SV2B: variants seen among roughly 807,000 people sequenced by gnomAD.
The protein encoded by SV2B is solute carrier family 22 member B2.
SV2B carries 41 observed loss-of-function variants against 73.9 expected under a neutral mutation model. The ratio of observed to expected loss-of-function variants is 0.56; its 90% CI spans 0.43 to 0.72. SV2B has a LOEUF of 0.72. Among genes scored for constraint, SV2B ranks in the 30% least tolerant of loss-of-function variants. SV2B has a pLI of 0.00. For synonymous variants in SV2B, 314 were observed against 314.2 expected (o/e 1.00, Z 0.01); for missense variants, 764 against 857.8 (o/e 0.89, Z 1.37).
At chr15:91,178,415 T>G (rs1401646527) in intron 1 of SV2B, among the ~76,000 whole-genome samples, 1 of 151,524 alleles carries the variant, frequency 6.6e-6, no homozygotes, top group East Asian at 1.9e-4. Flanking sequence ...ATAAAATGAG[T>G]TAGGGAGGAT....
At chr15:91,158,718 C>T (rs1294325450) in intron 1 of SV2B, among the ~76,000 whole-genome samples, 38 of 69,854 alleles carry the variant, frequency 5.4e-4, no homozygotes, top group South Asian at 1.8e-3. Flanking sequence ...CCTCTCCTCT[C>T]CTCTCCTCTC....
rs998811030 is a variant in SV2B, at chr15:91,268,865, C to T, written c.1373+260C>T. On this transcript the variant is annotated intron_variant, in intron 9 of 12. Coordinates refer to ENST00000394232, the MANE Select transcript of SV2B (RefSeq NM_001323032.3). This position sits in a 1 kb window ranked among gnomAD's most constrained non-coding sequence, Gnocchi z 4.4. ...GAGGATGGAGACATTTGACTGAGGA[C>T]GGTCAGTTGGGCCATTTTTCCAAGT... Among the ~76,000 whole-genome samples, 8 of 152,204 alleles carry T rather than the reference C, an allele frequency of 5.3e-5. No individual in the cohort carries two copies. The highest frequency in any genetic ancestry group is 9.6e-5 in the African/African-American group (4 of 41,522).
rs1287921520 is a variant in SV2B at position 91,110,771 on chromosome 15, C to T, written c.-392+10408C>T. On this transcript the variant is annotated intron_variant, in intron 1 of 12. Coordinates refer to ENST00000394232, the MANE Select transcript of SV2B (RefSeq NM_001323032.3). The surrounding 1 kb of genome is among the most constrained non-coding windows in gnomAD (Gnocchi z 5.4). The stretch of plus-strand genomic sequence containing the variant: ...AAGGAATTTAGTTCCACCCCTAGCA[C>T]TATGACAAGTGACGAACACATCCCA... Among the ~76,000 whole-genome samples, 22 of 152,170 alleles carry T rather than the reference C, an allele frequency of 1.4e-4. No homozygotes were observed. The highest frequency in any genetic ancestry group is 2.9e-5 in the Non-Finnish European group (2 of 68,038).
chr15:91,144,715 C>T (rs771655985), intron 1 of SV2B, among the ~76,000 whole-genome samples: 4 of 152,138 alleles, frequency 2.6e-5, no homozygotes, highest in South Asian at 2.1e-4. Context: ...GGGATAGAGA[C>T]GCCATGCTTT....
At chr15:91,143,320 A>G (rs1045369022) in intron 1 of SV2B, among the ~76,000 whole-genome samples, 1 of 152,202 alleles carries the variant, frequency 6.6e-6, no homozygotes, top group Admixed American at 6.5e-5. Context: ...AGCCTTTCAA[A>G]TATGTTCCCC....
chr15:91,158,162 G>A (rs1171897962), intron 1 of SV2B, among the ~76,000 whole-genome samples: 1 of 152,156 alleles, frequency 6.6e-6, no homozygotes, highest in Non-Finnish European at 1.5e-5. Context: ...GGGAGATGGG[G>A]CCTAATGAGA....
At position 91,289,588 on chromosome 15, in the gene SV2B, G is replaced by A. The variant is rs1176325292; in HGVS notation, c.1776G>A (p.Met592Ile). 1 of 1,614,230 alleles carries A rather than the reference G, an allele frequency of 6.2e-7. No individual in the cohort carries two copies. The highest frequency in any genetic ancestry group is 8.5e-7 in the Non-Finnish European group (1 of 1,180,050). Reference sequence around the variant, plus strand: ...TTTTTGGCAACAGTGAGTCTGCAATGATCGGCTGGCAGTGCCTGTTCTGTG... The same window carrying A: ...TTTTTGGCAACAGTGAGTCTGCAATAATCGGCTGGCAGTGCCTGTTCTGTG... Reference protein sequence around the residue: ...FLFFGNSESAMIGWQCLFCGT... With the variant: ...FLFFGNSESAIIGWQCLFCGT... Residue 592 changes from methionine (M) to isoleucine (I), a missense_variant, in exon 12 of 13, where the codon ATG becomes ATA. Met to Ile is a conservative substitution (Grantham distance 10). Coordinates refer to ENST00000394232, the MANE Select transcript of SV2B (RefSeq NM_001323032.3). This position sits in a 1 kb window ranked among gnomAD's most constrained non-coding sequence, Gnocchi z 4.9.
In SV2B at chr15:91,284,331, A is replaced by G. The variant is rs113068895; in HGVS notation, c.1708+110A>G. 114 of 1,229,304 alleles carry G rather than the reference A, an allele frequency of 9.3e-5. 1 individual carries two copies. The African/African-American group carries it at 1.6e-3, about 17-fold the overall frequency. The allele number at this position is 1,229,304 out of a possible 1,614,324, so 76.1% of individuals were successfully genotyped here. On this transcript the variant is annotated intron_variant, in intron 11 of 12. Transcript: ENST00000394232. The surrounding 1 kb of genome is among the most constrained non-coding windows in gnomAD (Gnocchi z 4.5). ...TTATTAAATAATTCTTGCACAACAA[A>G]CCCAACAAGTAAGATTGCACCCAGG...
At chr15:91,221,693 G>GCGCGCGCGCGCGCACACACACACACACA (rs370290337) in intron 1 of SV2B, among the ~76,000 whole-genome samples, 1 of 140,068 alleles carries the variant, frequency 7.1e-6, no homozygotes, top group African/African-American at 2.8e-5. Flanking sequence ...AAGCATGTGC[G>GCGCGCGCGCGCGCACACACACACACACA]CACACACACA....
chr15:91,261,559 T>C lies in SV2B; in HGVS notation c.1008+1150T>C, dbSNP rs911985573. ...CTTCCCCTTCATGTCCTAGGATTGT[T>C]TTATTTCTAGGAGTAGACTCCTAGA... On this transcript the variant is annotated intron_variant, in intron 6 of 12. Transcript: ENST00000394232. This position sits in a 1 kb window ranked among gnomAD's most constrained non-coding sequence, Gnocchi z 4.7. Among the ~76,000 whole-genome samples, 1 of 152,158 alleles carries C rather than the reference T, an allele frequency of 6.6e-6. No individual in the cohort carries two copies. Among genetic ancestry groups the C allele is most frequent in the South Asian group, 2.1e-4 (1 of 4,816 alleles).
chr15:91,288,424 T>A lies in SV2B; in HGVS notation c.1709-1097T>A, dbSNP rs1438075216. Among the ~76,000 whole-genome samples, 1 of 152,156 alleles carries A rather than the reference T, an allele frequency of 6.6e-6. No homozygotes were observed. Among genetic ancestry groups the A allele is most frequent in the Non-Finnish European group, 1.5e-5 (1 of 68,048 alleles). On this transcript the variant is annotated intron_variant, in intron 11 of 12. Transcript: ENST00000394232. The surrounding 1 kb of genome is among the most constrained non-coding windows in gnomAD (Gnocchi z 5.8). ...TGGTGAGAATATTTGAAATTTACTC[T>A]CTTAGCAATTTTGAAATATACAATA... is the stretch of plus-strand genomic sequence containing the variant.
chr15:91,250,382 A>G (rs1380539903), intron 2 of SV2B, among the ~76,000 whole-genome samples: 1 of 152,202 alleles, frequency 6.6e-6, no homozygotes, highest in African/African-American at 2.4e-5. Flanking sequence ...CACAACTGAC[A>G]ATCATAATCA....
chr15:91,109,370 T>C (rs1480330889), intron 1 of SV2B, among the ~76,000 whole-genome samples: 1 of 152,226 alleles, frequency 6.6e-6, no homozygotes, highest in Non-Finnish European at 1.5e-5. Context: ...TGTTAAGTAC[T>C]TCTTATGTCA....
rs76658297 is a variant in SV2B at position 91,283,731 on chromosome 15, G to C, written c.1508-290G>C. ...GGCCTCCTCAAGTGCTGGGATTACA[G>C]ATGTGGGCCACTACACCTGGCTGAG... On this transcript the variant is annotated intron_variant, in intron 10 of 12. Coordinates refer to ENST00000394232, the MANE Select transcript of SV2B (RefSeq NM_001323032.3). The surrounding 1 kb of genome is among the most constrained non-coding windows in gnomAD (Gnocchi z 4.3). Among the ~76,000 whole-genome samples the C allele has an allele frequency of 0.02, 3,106 of 152,308 alleles. 64 individuals carry two copies. The highest frequency in any genetic ancestry group is 0.096 in the East Asian group (497 of 5,186).
intron 1 of SV2B, among the ~76,000 whole-genome samples, chr15:91,200,761 A>T (rs1428003863): frequency 6.6e-6 from 1 of 152,094 alleles, no homozygotes; most frequent in African/African-American, 2.4e-5. Flanking sequence ...ATTAAAAAAA[A>T]TTAGTCAGGC....
At chr15:91,201,447 G>A (rs1356344778) in intron 1 of SV2B, among the ~76,000 whole-genome samples, 2 of 152,204 alleles carry the variant, frequency 1.3e-5, no homozygotes, top group African/African-American at 4.8e-5. Context: ...CTTTCCCAAG[G>A]TCACATAGTT....
At chr15:91,230,896 A>G (rs550058172) in intron 2 of SV2B, among the ~76,000 whole-genome samples, 3 of 152,338 alleles carry the variant, frequency 2.0e-5, no homozygotes, top group East Asian at 3.9e-4. Context: ...TCAGATAGGA[A>G]GGAAACAAAG....
intron 1 of SV2B, among the ~76,000 whole-genome samples, chr15:91,158,960 C>T (rs1184498855): frequency 6.6e-6 from 1 of 151,630 alleles, no homozygotes; most frequent in Non-Finnish European, 1.5e-5. Context: ...TGTAGGCAGT[C>T]CTGGTTGTGC....
chr15:91,100,555 C>G lies in SV2B; in HGVS notation c.-392+192C>G, dbSNP rs1596398300. Among the ~76,000 whole-genome samples, 1 of 152,194 alleles carries G rather than the reference C, an allele frequency of 6.6e-6. No homozygotes were observed. Among genetic ancestry groups the G allele is most frequent in the African/African-American group, 2.4e-5 (1 of 41,454 alleles). ...CGGCGCAGAAAAGCAAGGACTTGCC[C>G]GCTGCCTGGAGCTGTGCGCTTCTTT... On this transcript the variant is annotated intron_variant, in intron 1 of 12. Coordinates refer to ENST00000394232, the MANE Select transcript of SV2B (RefSeq NM_001323032.3). The surrounding 1 kb of genome is among the most constrained non-coding windows in gnomAD (Gnocchi z 6.4).
Sources: allele counts gnomAD v4.1 joint callset (sites outside exome capture counted in the v4.1 genomes callset), GRCh38; gene constraint gnomAD v4.1.1; non-coding constraint Gnocchi (gnomAD v3.1); transcripts MANE v1.5; gene names NCBI Gene and HGNC (gene_info 2026-07-23, HGNC 2026-07-21).